Variants in TRIM23 observed in about 807,000 individuals in gnomAD.
TRIM23 encodes the protein E3 ubiquitin-protein ligase TRIM23.
A neutral mutation model predicts 71.0 loss-of-function variants in TRIM23; 27 were observed. The observed-to-expected ratio is 0.38, with a 90% CI of 0.28 to 0.52. The LOEUF is 0.52. TRIM23 is among the 20% of genes least tolerant of loss of function. The pLI is 0.84. For missense variants in TRIM23, 482 were observed against 692.3 expected (o/e 0.70, Z 3.41); for synonymous variants, 234 against 238.0 (o/e 0.98, Z 0.16).
chr5:65,609,713 G>A (rs71626588), intron 5 of TRIM23, among the ~76,000 whole-genome samples: 7,489 of 152,208 alleles, frequency 0.049, 339 homozygotes, highest in African/African-American at 0.1. Flanking sequence ...CTGGGTGACC[G>A]AGCGAGACAT....
In TRIM23 at chr5:65,591,326, C is replaced by G; in HGVS notation, c.*443G>C. 7.0e-7 allele frequency: 1 copy of G among 1,426,578 alleles called. No individual in the cohort carries two copies. Among genetic ancestry groups the G allele is most frequent in the Middle Eastern group, 2.2e-4 (1 of 4,576 alleles). The allele number at this position is 1,426,578 out of a possible 1,614,324, so 88.4% of individuals were successfully genotyped here. ...CTGTCATTTCTACTACTAAATGCTG[C>G]CAACATTCAGTGAAAAGGCAGGTTA... On this transcript the variant is annotated 3_prime_UTR_variant, in exon 11 of 11. Coordinates refer to ENST00000231524, the MANE Select transcript of TRIM23 (RefSeq NM_001656.4).
chr5:65,607,346 T>C (rs966549053), intron 6 of TRIM23, among the ~76,000 whole-genome samples: 1 of 152,210 alleles, frequency 6.6e-6, no homozygotes, highest in Admixed American at 6.5e-5. Context: ...TCATCTCGAA[T>C]TGTAATCCCC....
chr5:65,594,430 A>G (rs995572211), intron 10 of TRIM23, 91 bp downstream of exon 10: 32 of 1,420,758 alleles, frequency 2.3e-5, no homozygotes, highest in East Asian at 6.9e-5. Flanking sequence ...ATAAATATCT[A>G]TTGAACTGAT....
chr5:65,609,434 G>A lies in TRIM23; in HGVS notation c.853C>T (p.Arg285Trp), dbSNP rs1485228743. 7 of 1,613,930 alleles carry A rather than the reference G, an allele frequency of 4.3e-6. No homozygotes were observed. The highest frequency in any genetic ancestry group is 2.2e-5 in the East Asian group (1 of 44,868). ...EHVPGTAENA[R>W]SCIRAYFYDL... ...TAAAAATAAGCTCGAATACATGACC[G>A]GGCATTCTCTGCAGTCCCTGGTACC... is the stretch of plus-strand genomic sequence containing the variant. The change falls in exon 6 of 11, where the codon CGG becomes TGG. Residue 285 changes from arginine (R) to tryptophan (W), a missense_variant. By Grantham distance (101) the Arg-to-Trp change is moderately radical (BLOSUM62 -3). Around this residue, in one of 2 missense-constraint regions of TRIM23, gnomAD observed 307 missense variants for 495.8 expected, o/e 0.62. Coordinates refer to ENST00000231524, the MANE Select transcript of TRIM23 (RefSeq NM_001656.4).
At position 65,605,025 on chromosome 5, in the gene TRIM23, C is replaced by T; in HGVS notation, c.1065G>A (p.Leu355=). Residue 355 remains leucine (L), a synonymous_variant, in exon 7 of 11, where the codon TTG becomes TTA. Transcript: ENST00000231524. The part of the protein sequence containing the change: ...TLQQDDCRVV[L]AKQEITRLLE... ...GTAACCTTGTAATTTCCTGTTTTGCCAAGACAACTCTACAATCATCCTATA... is the reference window on the plus strand; with the variant it reads ...GTAACCTTGTAATTTCCTGTTTTGCTAAGACAACTCTACAATCATCCTATA... 4 of 1,613,186 alleles carry T rather than the reference C, an allele frequency of 2.5e-6. No individual in the cohort carries two copies. Among genetic ancestry groups the T allele is most frequent in the Non-Finnish European group, 3.4e-6 (4 of 1,179,828 alleles).
intron 3 of TRIM23, chr5:65,613,616 G>C: frequency 1.2e-6 from 1 of 866,058 alleles, no homozygotes; most frequent in Non-Finnish European, 1.5e-6. Context: ...GATAAAGACA[G>C]TACATCTATA....
chr5:65,601,211 T>C (rs1469067738), intron 7 of TRIM23, among the ~76,000 whole-genome samples: 1 of 152,196 alleles, frequency 6.6e-6, no homozygotes, highest in East Asian at 1.9e-4. Flanking sequence ...AGCAGCACTA[T>C]TCCCAGTAAA....
intron 10 of TRIM23, 45 bp from the exon 11 acceptor site, chr5:65,591,993 T>C (rs1218330984): frequency 6.7e-7 from 1 of 1,496,534 alleles, no homozygotes; most frequent in Non-Finnish European, 9.0e-7. Context: ...ATCCAAATTA[T>C]AATTTTTCTA....
At position 65,591,149 on chromosome 5, in the gene TRIM23, C is replaced by T; in HGVS notation, c.*620G>A. The T allele has an allele frequency of 2.8e-6, 3 of 1,058,840 alleles. No homozygotes were observed. In the South Asian group the frequency reaches 9.2e-5, roughly 32 times the overall value. The allele number at this position is 1,058,840 out of a possible 1,614,324, so 65.6% of individuals were successfully genotyped here. On this transcript the variant is annotated 3_prime_UTR_variant, in exon 11 of 11. Transcript: ENST00000231524. ...CCCTCATTGTGTTTTATACAAAATG[C>T]TGTAGGAGAAAGTTAATAAAACACT... is the stretch of plus-strand genomic sequence containing the variant.
In TRIM23 at chr5:65,591,148, G is replaced by T. The variant is rs1006646555; in HGVS notation, c.*621C>A. 12 of 1,058,070 alleles carry T rather than the reference G, an allele frequency of 1.1e-5. No homozygotes were observed. In the African/African-American group the frequency reaches 2.1e-4, roughly 18 times the overall value. The allele number at this position is 1,058,070 out of a possible 1,614,324, so 65.5% of individuals were successfully genotyped here. A position where few individuals can be genotyped will look rare whatever the true frequency, so the allele number is the denominator to read the frequency against. ...TCCCTCATTGTGTTTTATACAAAATGCTGTAGGAGAAAGTTAATAAAACAC... is the reference window on the plus strand; with the variant it reads ...TCCCTCATTGTGTTTTATACAAAATTCTGTAGGAGAAAGTTAATAAAACAC... On this transcript the variant is annotated 3_prime_UTR_variant, in exon 11 of 11. Transcript: ENST00000231524.
At chr5:65,598,013 T>G in intron 7 of TRIM23, among the ~76,000 whole-genome samples, 1 of 152,200 alleles carries the variant, frequency 6.6e-6, no homozygotes, top group East Asian at 1.9e-4. Context: ...GAGCACTCTT[T>G]GCTTGGATTT....
At position 65,590,212 on chromosome 5, in the gene TRIM23, C is replaced by T. The variant is rs568413287; in HGVS notation, c.*1557G>A. 2.3e-6 allele frequency: 2 copies of T among 882,194 alleles called. No homozygotes were observed. Among genetic ancestry groups the T allele is most frequent in the Admixed American group, 2.5e-5 (1 of 40,292 alleles). 54.6% of individuals were successfully genotyped at this position (882,194 alleles called of 1,614,324 possible). A position where few individuals can be genotyped will look rare whatever the true frequency, so the allele number is the denominator to read the frequency against. ...AATACAACACCTTTTTTATTTTTCACAGTTATTGAAATCAGTCAAATATTA... is the reference window on the plus strand; with the variant it reads ...AATACAACACCTTTTTTATTTTTCATAGTTATTGAAATCAGTCAAATATTA... On this transcript the variant is annotated 3_prime_UTR_variant, in exon 11 of 11. Coordinates refer to ENST00000231524, the MANE Select transcript of TRIM23 (RefSeq NM_001656.4).
chr5:65,598,459 A>C (rs764099007), intron 7 of TRIM23, among the ~76,000 whole-genome samples: 3 of 152,162 alleles, frequency 2.0e-5, no homozygotes, highest in Non-Finnish European at 4.4e-5. Flanking sequence ...ATTCAACAAC[A>C]CATTAGGCCG....
chr5:65,610,453 C>CT (rs1275924323), intron 5 of TRIM23, among the ~76,000 whole-genome samples: 1 of 152,224 alleles, frequency 6.6e-6, no homozygotes, highest in Non-Finnish European at 1.5e-5. Flanking sequence ...CAGTGAGCTT[C>CT]TTTAAGTCTC....
Position 65,624,241 on chromosome 5 carries a change from C to T in TRIM23, c.34G>A (p.Gly12Arg). Reference sequence around the variant, plus strand: ...CTGCCCTGCCGGCCACTGTCTACTCCCGCTCCGAGCTTGTTTACAACCAGG... The same window carrying T: ...CTGCCCTGCCGGCCACTGTCTACTCTCGCTCCGAGCTTGTTTACAACCAGG... Reference protein sequence around the residue: ...ATLVVNKLGAGVDSGRQGSRG... With the variant: ...ATLVVNKLGARVDSGRQGSRG... The change falls in exon 1 of 11, where the codon GGA becomes AGA. Residue 12 changes from glycine to arginine, a missense_variant. Coordinates refer to ENST00000231524, the MANE Select transcript of TRIM23 (RefSeq NM_001656.4). The T allele has an allele frequency of 6.2e-7, 1 of 1,614,212 alleles. No homozygotes were observed. The highest frequency in any genetic ancestry group is 8.5e-7 in the Non-Finnish European group (1 of 1,180,044).
rs1487268373 is a variant in TRIM23 at position 65,590,776 on chromosome 5, T to C, written c.*993A>G. 1.0e-6 allele frequency: 1 copy of C among 985,304 alleles called. No individual in the cohort carries two copies. Among genetic ancestry groups the C allele is most frequent in the Non-Finnish European group, 1.2e-6 (1 of 829,924 alleles). The allele number at this position is 985,304 out of a possible 1,614,324, so 61.0% of individuals were successfully genotyped here. A position where few individuals can be genotyped will look rare whatever the true frequency, so the allele number is the denominator to read the frequency against. On this transcript the variant is annotated 3_prime_UTR_variant, in exon 11 of 11. Transcript: ENST00000231524. ...GTTTTATTGTCAAAATAAATGCACTTATTTTGGGAAACAGTTTGAAGTAAG... is the reference window on the plus strand; with the variant it reads ...GTTTTATTGTCAAAATAAATGCACTCATTTTGGGAAACAGTTTGAAGTAAG...
intron 2 of TRIM23, among the ~76,000 whole-genome samples, chr5:65,615,554 T>C (rs1036685718): frequency 1.3e-5 from 2 of 151,574 alleles, no homozygotes; most frequent in Non-Finnish European, 1.5e-5. Context: ...TTCTGTGTTG[T>C]GGTTCTCCCA....
At chr5:65,598,871 G>A (rs773899688) in intron 7 of TRIM23, among the ~76,000 whole-genome samples, 53 of 152,014 alleles carry the variant, frequency 3.5e-4, no homozygotes, top group South Asian at 2.1e-4. Context: ...AAAAAAGCAC[G>A]TAATCATCTC....
intron 9 of TRIM23, 93 bp downstream of exon 9, chr5:65,596,328 T>TATA: frequency 1.1e-6 from 1 of 870,982 alleles, no homozygotes; most frequent in South Asian, 1.5e-5. Context: ...GTCAACGACT[T>TATA]AATCATAAGT....
Sources: gnomAD v4.1 joint callset for allele counts (sites outside exome capture counted in the v4.1 genomes callset) on GRCh38, gnomAD v4.1.1 for gene constraint, gnomAD v4.1.1 regional missense constraint, MANE v1.5 for transcripts, NCBI Gene and HGNC (gene_info 2026-07-23, HGNC 2026-07-21) for gene names.